The following USP16 variants were observed in gnomAD, a reference collection of about 807,000 sequenced individuals.
USP16 encodes ubiquitin carboxyl-terminal hydrolase 16.
In USP16, 77 loss-of-function variants were observed where a neutral mutation model predicts 95.9. The observed-to-expected ratio is 0.80, with a 90% CI of 0.67 to 0.97. The LOEUF (loss-of-function observed/expected upper bound fraction) is 0.97. USP16 is among the 50% of genes least tolerant of loss of function. USP16 has a pLI of 0.00. For missense variants in USP16, 943 were observed against 959.9 expected, an observed-to-expected ratio of 0.98 and a Z score of 0.23; for synonymous variants, 303 against 318.2, an observed-to-expected ratio of 0.95 and a Z score of 0.51.
intron 2 of USP16, among the ~76,000 whole-genome samples, chr21:29,030,361 G>T (rs2085059751): frequency 6.6e-6 from 1 of 152,154 alleles, no homozygotes; most frequent in South Asian, 2.1e-4. Flanking sequence ...GGGGACAGTG[G>T]TGGTTATATT....
chr21:29,030,621 G>C lies in USP16; in HGVS notation c.88G>C (p.Gly30Arg), dbSNP rs2146361830. ...LEPVCRHIRKGLEQGNLKKAL... is the reference protein window; with the variant it reads ...LEPVCRHIRKRLEQGNLKKAL... ...ACCTGTGTGCAGACACATTAGAAAA[G>C]GATTGGAACAAGGTAATTTGAAAAA... Residue 30 changes from glycine to arginine, a missense_variant, in exon 3 of 18, where the codon GGA (glycine) becomes CGA (arginine). Coordinates refer to ENST00000399976, the MANE Select transcript of USP16 (RefSeq NM_006447.3). 1 of 1,610,758 alleles carries C rather than the reference G, an allele frequency of 6.2e-7. No individual in the cohort carries two copies. Among genetic ancestry groups the C allele is most frequent in the East Asian group, 2.2e-5 (1 of 44,780 alleles).
chr21:29,054,279 C>T lies in USP16; in HGVS notation c.*92C>T, dbSNP rs574909915. The T allele has an allele frequency of 2.8e-6, 4 of 1,426,632 alleles. No homozygotes were observed. The highest frequency in any genetic ancestry group is 1.9e-4 in the Middle Eastern group (1 of 5,394). The allele number at this position is 1,426,632 out of a possible 1,614,324, so 88.4% of individuals were successfully genotyped here. A position where few individuals can be genotyped will look rare whatever the true frequency, so the allele number is the denominator to read the frequency against. On this transcript the variant is annotated 3_prime_UTR_variant, in exon 18 of 18. Coordinates refer to ENST00000399976, the MANE Select transcript of USP16 (RefSeq NM_006447.3). The stretch of plus-strand genomic sequence containing the variant: ...AAAAGACTAATTAAAATCATGTTCA[C>T]TTAACATTAAATACATGCCAGAAGA...
chr21:29,027,784 T>TATAC, intron 1 of USP16, 89 bp from the exon 2 acceptor site: 1 of 839,408 alleles, frequency 1.2e-6, no homozygotes. Flanking sequence ...ACATGCATAA[T>TATAC]ATACGTGGCT....
Position 29,053,859 on chromosome 21 carries a change from AGTG to A in USP16, c.2254_2256del (p.Gly752del). ...TTCCTTATATGGAGTTGTTGAACAC[AGTG>A]GTACTATGAGGTCGGGGCATTACAC... On this transcript the variant is annotated inframe_deletion, in exon 17 of 18. Transcript: ENST00000399976. The A allele has an allele frequency of 6.2e-7, 1 of 1,614,232 alleles. No homozygotes were observed. Among genetic ancestry groups the A allele is most frequent in the Non-Finnish European group, 8.5e-7 (1 of 1,180,038 alleles).
At chr21:29,046,583 G>T in intron 13 of USP16, 84 bp from the exon 14 acceptor site, 1 of 1,387,046 alleles carries the variant, frequency 7.2e-7, no homozygotes, top group South Asian at 1.5e-5. Flanking sequence ...TGTGTGTTTT[G>T]TCCTTCTTCC....
intron 2 of USP16, among the ~76,000 whole-genome samples, chr21:29,029,195 C>T (rs184113953): frequency 2.1e-4 from 32 of 152,340 alleles, no homozygotes; most frequent in Middle Eastern, 3.4e-3. Flanking sequence ...GGGCAGATCA[C>T]GAGGTCAGGA....
intron 7 of USP16, among the ~76,000 whole-genome samples, chr21:29,038,791 T>G (rs2085200443): frequency 6.6e-6 from 1 of 152,238 alleles, no homozygotes; most frequent in Non-Finnish European, 1.5e-5. Context: ...TTTGGCTCTT[T>G]CAATTCTTAG....
At chr21:29,025,034 A>AG in intron 1 of USP16, 1 of 297,516 alleles carries the variant, frequency 3.4e-6, no homozygotes, top group Non-Finnish European at 6.4e-6. Flanking sequence ...CGGAGCAGTT[A>AG]GAAGGGGAGG....
At chr21:29,048,896 C>T (rs771945791) in intron 15 of USP16, 41 bp downstream of exon 15, 1 of 1,431,274 alleles carries the variant, frequency 7.0e-7, no homozygotes, top group Non-Finnish European at 9.8e-7. Flanking sequence ...ATATGTAACA[C>T]CTACTTTATT....
At chr21:29,054,022 T>G in intron 17 of USP16, 44 bp from the exon 18 acceptor site, 1 of 1,613,668 alleles carries the variant, frequency 6.2e-7, no homozygotes. Flanking sequence ...GTAATCAACT[T>G]GAATCTTTCC....
At chr21:29,039,381 A>T in intron 8 of USP16, 100 bp from the exon 9 acceptor site, 2 of 1,333,142 alleles carry the variant, frequency 1.5e-6, no homozygotes, top group Non-Finnish European at 2.0e-6. Context: ...TAGAAACCAG[A>T]ACTCTCTGAG....
Position 29,037,352 on chromosome 21 carries a change from AAAG to A in USP16, c.529_531del (p.Lys177del). The stretch of plus-strand genomic sequence containing the variant: ...AGAGTAAGAATGAACAAGAGAGAGA[AAAG>A]AAGGAAAACATGGCTAAAGAGAATC... On this transcript the variant is annotated inframe_deletion, in exon 6 of 18. Transcript: ENST00000399976. 1.9e-6 allele frequency: 3 copies of A among 1,605,930 alleles called. No individual in the cohort carries two copies. The highest frequency in any genetic ancestry group is 2.6e-6 in the Non-Finnish European group (3 of 1,174,812).
chr21:29,041,335 A>T (rs1218827473), intron 10 of USP16, among the ~76,000 whole-genome samples: 1 of 152,200 alleles, frequency 6.6e-6, no homozygotes, highest in African/African-American at 2.4e-5. Context: ...TTTCTGTCAG[A>T]AAAGTGTGGT....
intron 10 of USP16, among the ~76,000 whole-genome samples, chr21:29,041,436 T>C (rs2085241762): frequency 6.6e-6 from 1 of 152,214 alleles, no homozygotes; most frequent in South Asian, 2.1e-4. Flanking sequence ...CTTTTAGTTA[T>C]ATTAAACTTA....
chr21:29,034,755 T>G, intron 3 of USP16, 82 bp from the exon 4 acceptor site: 2 of 1,260,440 alleles, frequency 1.6e-6, no homozygotes, highest in Non-Finnish European at 2.3e-6. Context: ...CATGAGCCAC[T>G]TCCTTGTTTA....
At chr21:29,029,607 C>A (rs2085048959) in intron 2 of USP16, among the ~76,000 whole-genome samples, 1 of 152,160 alleles carries the variant, frequency 6.6e-6, no homozygotes, top group African/African-American at 2.4e-5. Context: ...CAACTCAGCA[C>A]TGTAGAGTGG....
At chr21:29,046,119 T>C (rs1331925549) in intron 13 of USP16, among the ~76,000 whole-genome samples, 1 of 151,996 alleles carries the variant, frequency 6.6e-6, no homozygotes, top group Non-Finnish European at 1.5e-5. Context: ...CCACCACACC[T>C]GGCCTAAATA....
intron 16 of USP16, 171 bp from the exon 17 acceptor site, chr21:29,053,631 A>C: frequency 1.7e-6 from 1 of 583,360 alleles, no homozygotes; most frequent in Non-Finnish European, 2.8e-6. Flanking sequence ...TAATAAAAAC[A>C]GAAGTGTCTC....
At chr21:29,024,905 A>C in intron 1 of USP16, 128 bp downstream of exon 1, 1 of 934,068 alleles carries the variant, frequency 1.1e-6, no homozygotes, top group Non-Finnish European at 1.4e-6. Flanking sequence ...TAACCCGGCT[A>C]CTTTCCGGTA....
Sources: allele counts gnomAD v4.1 joint callset (sites outside exome capture counted in the v4.1 genomes callset), GRCh38; gene constraint gnomAD v4.1.1; transcripts MANE v1.5; gene names NCBI Gene and HGNC (gene_info 2026-07-23, HGNC 2026-07-21).